LRP1B: variants seen among roughly 807,000 people sequenced by gnomAD.
LRP1B encodes LDL receptor related protein 1B, also known as low-density lipoprotein receptor-related protein 1B.
Under a neutral mutation model 556.6 loss-of-function variants are expected in LRP1B, and 217 were observed. The observed-to-expected ratio is 0.39, with a 90% confidence interval of 0.35 to 0.44. The LOEUF (loss-of-function observed/expected upper bound fraction) is 0.44, where lower values mean the gene tolerates loss of function less well. Ranked by LOEUF, LRP1B falls within the 20% of genes least tolerant of loss-of-function variation. The pLI is 1.00. For synonymous variants in LRP1B, 2,047 were observed against 1,865.8 expected, an observed-to-expected ratio of 1.10 and a Z score of -2.50; for missense variants, 5,053 against 5,620.8, an observed-to-expected ratio of 0.90 and a Z score of 3.23.
intron 5 of LRP1B, among the ~76,000 whole-genome samples, chr2:141,242,010 T>C (rs2105317806): frequency 6.6e-6 from 1 of 152,264 alleles, no homozygotes; most frequent in East Asian, 1.9e-4. Context: ...TCTTAGCCAC[T>C]GGTATACTGA....
intron 7 of LRP1B, among the ~76,000 whole-genome samples, chr2:141,084,920 AT>A (rs2104894319): frequency 6.6e-6 from 1 of 152,230 alleles, no homozygotes; most frequent in South Asian, 2.1e-4. Context: ...AAGTGCTGGG[AT>A]TACAGGCGTG....
At chr2:140,434,662 A>G (rs1022451396) in intron 66 of LRP1B, among the ~76,000 whole-genome samples, 2 of 152,100 alleles carry the variant, frequency 1.3e-5, no homozygotes, top group African/African-American at 4.8e-5. Flanking sequence ...TATATGAAAA[A>G]CCTAAGCCAG....
intron 2 of LRP1B, among the ~76,000 whole-genome samples, chr2:141,708,076 G>A (rs2105473239): frequency 6.6e-6 from 1 of 152,158 alleles, no homozygotes; most frequent in Admixed American, 6.6e-5. Flanking sequence ...GAAAATGATG[G>A]GGAGTAAAGG....
chr2:141,998,000 C>T (rs1045223292), intron 1 of LRP1B, among the ~76,000 whole-genome samples: 1 of 152,018 alleles, frequency 6.6e-6, no homozygotes. Context: ...GTTATTACTA[C>T]AGGGGCTACT....
chr2:140,608,599 A>C (rs1209933063), intron 41 of LRP1B, among the ~76,000 whole-genome samples: 1 of 152,216 alleles, frequency 6.6e-6, no homozygotes, highest in Non-Finnish European at 1.5e-5. Flanking sequence ...CTCTATTTTT[A>C]ACAAAGGCAA....
intron 3 of LRP1B, among the ~76,000 whole-genome samples, chr2:141,342,055 T>C (rs1337303268): frequency 2.0e-5 from 3 of 151,548 alleles, no homozygotes; most frequent in African/African-American, 7.3e-5. Context: ...CCATTCTGGC[T>C]AACACAATGA....
rs1471133041 is a variant in LRP1B at position 141,430,326 on chromosome 2, C to T, written c.343+50070G>A. 4.6e-5 allele frequency among the ~76,000 whole-genome samples: 7 copies of T among 152,186 alleles called. No homozygotes were observed. In the East Asian group the frequency reaches 1.2e-3, roughly 25 times the overall value. ...AATTTTTAATTAATGTTCAATATCT[C>T]TTGTGATATTAAACAGTAGCTCATA... On this transcript the variant is annotated intron_variant, in intron 3 of 90. Transcript: ENST00000389484.
intron 2 of LRP1B, among the ~76,000 whole-genome samples, chr2:141,487,615 T>C (rs2105104549): frequency 6.6e-6 from 1 of 152,280 alleles, no homozygotes; most frequent in East Asian, 1.9e-4. Context: ...ATTTTAAGTA[T>C]TTATACACTA....
chr2:141,219,811 C>A (rs888240447), intron 6 of LRP1B, among the ~76,000 whole-genome samples: 6 of 152,100 alleles, frequency 3.9e-5, no homozygotes, highest in Non-Finnish European at 7.4e-5. Flanking sequence ...ATTGGGTCTG[C>A]AGTTGTCCCC....
chr2:141,004,296 G>A (rs1393142578), intron 15 of LRP1B, among the ~76,000 whole-genome samples: 1 of 152,096 alleles, frequency 6.6e-6, no homozygotes, highest in Non-Finnish European at 1.5e-5. Flanking sequence ...AATTAGTAAA[G>A]TGAGTGAAGT....
intron 3 of LRP1B, among the ~76,000 whole-genome samples, chr2:141,277,884 T>C (rs1476962669): frequency 1.3e-5 from 2 of 152,046 alleles, no homozygotes; most frequent in Non-Finnish European, 2.9e-5. Context: ...TATTTGCACA[T>C]TGGAAAGGCA....
At chr2:142,053,114 T>C (rs933111558) in intron 1 of LRP1B, among the ~76,000 whole-genome samples, 2 of 152,042 alleles carry the variant, frequency 1.3e-5, no homozygotes, top group Non-Finnish European at 2.9e-5. Flanking sequence ...TGAGAAACAG[T>C]GCAAAAAGTG....
intron 41 of LRP1B, among the ~76,000 whole-genome samples, chr2:140,640,433 T>G (rs1213282087): frequency 8.5e-6 from 1 of 118,090 alleles, no homozygotes; most frequent in Non-Finnish European, 1.7e-5. Context: ...TCTCGCTCTG[T>G]CGCCCAGGCT....
intron 41 of LRP1B, among the ~76,000 whole-genome samples, chr2:140,631,087 C>T (rs1278130115): frequency 2.0e-5 from 3 of 152,092 alleles, no homozygotes; most frequent in African/African-American, 7.2e-5. Context: ...CCAAAGACAG[C>T]AGAAGAGAAA....
intron 1 of LRP1B, among the ~76,000 whole-genome samples, chr2:141,945,584 T>A (rs1700930135): frequency 6.6e-6 from 1 of 151,918 alleles, no homozygotes; most frequent in African/African-American, 2.4e-5. Context: ...ATTATTGAAA[T>A]TTATTGATAG....
intron 20 of LRP1B, among the ~76,000 whole-genome samples, chr2:140,932,884 T>TACACACAC (rs781052076): frequency 5.8e-4 from 8 of 13,794 alleles, no homozygotes; most frequent in South Asian, 2.3e-3. Flanking sequence ...TCTCTCTCCC[T>TACACACAC]ATACACACAC....
chr2:142,041,973 T>C, intron 1 of LRP1B, among the ~76,000 whole-genome samples: 1 of 151,534 alleles, frequency 6.6e-6, no homozygotes, highest in South Asian at 2.1e-4. Context: ...GAAAAGATGA[T>C]TATTTTTTAT....
chr2:140,327,101 A>G (rs1414193425), intron 79 of LRP1B, among the ~76,000 whole-genome samples: 1 of 152,120 alleles, frequency 6.6e-6, no homozygotes, highest in Non-Finnish European at 1.5e-5. Flanking sequence ...AGTACAATGC[A>G]GTTAAATACC....
At chr2:141,526,432 T>A (rs956042807) in intron 2 of LRP1B, among the ~76,000 whole-genome samples, 1 of 152,086 alleles carries the variant, frequency 6.6e-6, no homozygotes, top group African/African-American at 2.4e-5. Context: ...GACCGATAAA[T>A]GTTGATTGTC....
Sources: gnomAD v4.1 joint callset for allele counts (sites outside exome capture counted in the v4.1 genomes callset) on GRCh38, gnomAD v4.1.1 for gene constraint, MANE v1.5 for transcripts, NCBI Gene and HGNC (gene_info 2026-07-23, HGNC 2026-07-21) for gene names.